RIMS1: variants seen among roughly 807,000 people sequenced by gnomAD.
RIMS1 encodes regulating synaptic membrane exocytosis 1.
RIMS1 carries 83 observed loss-of-function variants against 214.1 expected under a neutral mutation model. The observed-to-expected ratio is 0.39, with a 90% CI of 0.32 to 0.47. RIMS1 has a LOEUF of 0.47. RIMS1 is among the 20% of genes least tolerant of loss of function. The pLI is 0.99. For synonymous variants in RIMS1, 793 were observed against 786.8 expected (o/e 1.01, Z -0.13); for missense variants, 2,050 against 2,161.8 (o/e 0.95, Z 1.03).
chr6:72,342,371 G>T (rs1017391635), intron 29 of RIMS1, among the ~76,000 whole-genome samples: 3 of 151,368 alleles, frequency 2.0e-5, no homozygotes, highest in Non-Finnish European at 3.0e-5. Context: ...AGCCCAAGGG[G>T]ATAGGGCTAA....
At chr6:71,977,381 C>G (rs1797414780) in intron 2 of RIMS1, among the ~76,000 whole-genome samples, 1 of 152,084 alleles carries the variant, frequency 6.6e-6, no homozygotes, top group Non-Finnish European at 1.5e-5. Context: ...ATGAATTGGC[C>G]TATTTATTCT....
intron 1 of RIMS1, among the ~76,000 whole-genome samples, chr6:71,941,308 T>C (rs1786057848): frequency 6.6e-6 from 1 of 152,240 alleles, no homozygotes; most frequent in Non-Finnish European, 1.5e-5. Context: ...GTTTGCATTC[T>C]GTTGGATTTA....
At chr6:72,262,804 A>G (rs2078635583) in intron 19 of RIMS1, 3 of 746,010 alleles carry the variant, frequency 4.0e-6, no homozygotes, top group Admixed American at 6.3e-5. Context: ...AGCTTTCAAA[A>G]TACATCATAC....
At chr6:72,007,367 A>G (rs549626392) in intron 2 of RIMS1, among the ~76,000 whole-genome samples, 25 of 152,198 alleles carry the variant, frequency 1.6e-4, no homozygotes, top group Non-Finnish European at 3.5e-4. Flanking sequence ...AACCGCAAAG[A>G]TGGGGAAAAA....
chr6:72,263,839 A>G lies in RIMS1; in HGVS notation c.3117-1136A>G, dbSNP rs539597588. The G allele has an allele frequency of 1.6e-5, 7 of 437,608 alleles. No homozygotes were observed. The East Asian group carries it at 8.0e-4, about 50-fold the overall frequency. The allele number at this position is 437,608 out of a possible 1,614,324, so 27.1% of individuals were successfully genotyped here. ...CACACACACACACACACACACACACACAAATTAGGTGGGCATGGTGGCAGG... is the reference window on the plus strand; with the variant it reads ...CACACACACACACACACACACACACGCAAATTAGGTGGGCATGGTGGCAGG... On this transcript the variant is annotated intron_variant, in intron 19 of 33. Transcript: ENST00000521978.
At chr6:71,887,332 G>A (rs577082834) in intron 1 of RIMS1, 145 bp downstream of exon 1, 2 of 1,038,042 alleles carry the variant, frequency 1.9e-6, no homozygotes, top group African/African-American at 3.2e-5. Context: ...TTGGGCCAGG[G>A]GCGCGGGGCT....
chr6:72,240,554 A>C (rs539601677), intron 9 of RIMS1, among the ~76,000 whole-genome samples: 1 of 151,060 alleles, frequency 6.6e-6, no homozygotes, highest in Admixed American at 6.6e-5. Context: ...CATGATGTCA[A>C]CTTTGTTTCT....
chr6:71,980,274 G>T (rs73750309), intron 2 of RIMS1, among the ~76,000 whole-genome samples: 80 of 152,240 alleles, frequency 5.3e-4, no homozygotes, highest in African/African-American at 1.8e-3. Flanking sequence ...TTAAATAAAA[G>T]AAAAAGATAA....
At chr6:72,136,646 C>A (rs1330169433) in intron 4 of RIMS1, among the ~76,000 whole-genome samples, 1 of 152,018 alleles carries the variant, frequency 6.6e-6, no homozygotes, top group Non-Finnish European at 1.5e-5. Flanking sequence ...AAAATAATCA[C>A]TCCAAAATTT....
chr6:72,035,660 C>CCT (rs1273273461), intron 2 of RIMS1, among the ~76,000 whole-genome samples: 1 of 152,130 alleles, frequency 6.6e-6, no homozygotes, highest in Non-Finnish European at 1.5e-5. Context: ...GAAAACCAGT[C>CCT]CTGTTAAGCC....
rs146257003 is a variant in RIMS1, at chr6:71,908,631, GGGTGA to G, written c.164+21447_164+21451del. Reference sequence around the variant, plus strand: ...GTGTTACAGACAAAACGGTAACCCTGGGTGAGGCAGAAAGCACATTTAGAAAGGAA... The same window carrying G: ...GTGTTACAGACAAAACGGTAACCCTGGGCAGAAAGCACATTTAGAAAGGAA... On this transcript the variant is annotated intron_variant, in intron 1 of 33. Coordinates refer to ENST00000521978, the MANE Select transcript of RIMS1 (RefSeq NM_014989.7). 5.7e-3 allele frequency among the ~76,000 whole-genome samples: 861 copies of G among 152,312 alleles called. 6 individuals carry two copies. The highest frequency in any genetic ancestry group is 0.019 in the African/African-American group (804 of 41,570).
intron 16 of RIMS1, among the ~76,000 whole-genome samples, chr6:72,256,805 C>T (rs1201049252): frequency 6.6e-6 from 1 of 151,584 alleles, no homozygotes; most frequent in Non-Finnish European, 1.5e-5. Context: ...TATAATATTA[C>T]ATCTGAATAA....
At chr6:72,337,972 C>G (rs1229461826) in intron 29 of RIMS1, among the ~76,000 whole-genome samples, 1 of 151,400 alleles carries the variant, frequency 6.6e-6, no homozygotes, top group African/African-American at 2.4e-5. Context: ...TGCCACATTT[C>G]CTTAATCCAA....
intron 6 of RIMS1, among the ~76,000 whole-genome samples, chr6:72,189,727 C>T (rs2049750158): frequency 6.6e-6 from 1 of 152,312 alleles, no homozygotes; most frequent in African/African-American, 2.4e-5. Flanking sequence ...GTTGCTGAGC[C>T]CATGCGTAAC....
intron 29 of RIMS1, among the ~76,000 whole-genome samples, chr6:72,386,474 A>G (rs1174405133): frequency 1.3e-5 from 2 of 152,122 alleles, no homozygotes; most frequent in Non-Finnish European, 2.9e-5. Context: ...CACTACTTGC[A>G]AGACTGCAGC....
Position 72,400,928 on chromosome 6 carries a change from T to A in RIMS1, c.*214T>A. Reference sequence around the variant, plus strand: ...ATCAAATTTACAGGAAGAATCAACATGCTGGTGAGAGTCACTGATGCTTCT... The same window carrying A: ...ATCAAATTTACAGGAAGAATCAACAAGCTGGTGAGAGTCACTGATGCTTCT... On this transcript the variant is annotated 3_prime_UTR_variant, in exon 34 of 34. Coordinates refer to ENST00000521978, the MANE Select transcript of RIMS1 (RefSeq NM_014989.7). 1 of 530,068 alleles carries A rather than the reference T, an allele frequency of 1.9e-6. No individual in the cohort carries two copies. The highest frequency in any genetic ancestry group is 2.8e-5 in the South Asian group (1 of 35,546). The allele number at this position is 530,068 out of a possible 1,614,324, so 32.8% of individuals were successfully genotyped here.
At chr6:71,986,436 G>A (rs1177299131) in intron 2 of RIMS1, among the ~76,000 whole-genome samples, 2 of 152,130 alleles carry the variant, frequency 1.3e-5, no homozygotes, top group Non-Finnish European at 1.5e-5. Flanking sequence ...GAAGGCTAAG[G>A]CAATAGGCCA....
chr6:72,029,963 T>A (rs766135691), intron 2 of RIMS1, among the ~76,000 whole-genome samples: 1 of 152,176 alleles, frequency 6.6e-6, no homozygotes, highest in Non-Finnish European at 1.5e-5. Flanking sequence ...AGGGACAAGA[T>A]GCATGTAGAG....
Position 72,278,189 on chromosome 6 carries a change from A to G in RIMS1, c.3482+3757A>G, listed in dbSNP as rs146694379. On this transcript the variant is annotated intron_variant, in intron 23 of 33. Coordinates refer to ENST00000521978, the MANE Select transcript of RIMS1 (RefSeq NM_014989.7). The stretch of plus-strand genomic sequence containing the variant: ...TATCTATCTATCTATCTATCTATCT[A>G]TCTATCTATATATGATTTTTAAGGG... 3.6e-4 allele frequency among the ~76,000 whole-genome samples: 55 copies of G among 151,942 alleles called. No homozygotes were observed. In the East Asian group the frequency reaches 9.7e-3, roughly 27 times the overall value.
Sources: gnomAD v4.1 joint callset for allele counts (sites outside exome capture counted in the v4.1 genomes callset) on GRCh38, gnomAD v4.1.1 for gene constraint, MANE v1.5 for transcripts, NCBI Gene and HGNC (gene_info 2026-07-23, HGNC 2026-07-21) for gene names.